The following CHN2 variants were observed in gnomAD, a reference collection of about 807,000 sequenced individuals.
CHN2 encodes the protein chimerin 2, also known as beta-chimaerin.
A neutral mutation model predicts 56.3 loss-of-function variants in CHN2; 35 were observed. That is an observed-to-expected ratio of 0.62 (90% CI 0.47 to 0.82). The LOEUF (loss-of-function observed/expected upper bound fraction) is 0.82, where lower values mean the gene tolerates loss of function less well. Among genes scored for constraint, CHN2 ranks in the 40% least tolerant of loss-of-function variants. The pLI is 0.00. For missense variants in CHN2, 491 were observed against 580.5 expected (o/e 0.85, Z 1.58); for synonymous variants, 210 against 212.8 (o/e 0.99, Z 0.12).
intron 1 of CHN2, among the ~76,000 whole-genome samples, chr7:29,318,605 C>T (rs962844494): frequency 6.6e-6 from 1 of 152,116 alleles, no homozygotes; most frequent in Non-Finnish European, 1.5e-5. Context: ...TCAGGTAGCT[C>T]CCTGAGCCAG....
At chr7:29,446,724 C>G (rs959150553) in intron 6 of CHN2, among the ~76,000 whole-genome samples, 2 of 152,136 alleles carry the variant, frequency 1.3e-5, no homozygotes, top group Non-Finnish European at 2.9e-5. Context: ...GCAAATTCAG[C>G]CGTATTAGTG....
At chr7:29,202,992 G>C (rs1316787096) in intron 1 of CHN2, among the ~76,000 whole-genome samples, 1 of 152,142 alleles carries the variant, frequency 6.6e-6, no homozygotes, top group Non-Finnish European at 1.5e-5. Context: ...ACCTAGACCT[G>C]CACAGTCCAG....
At chr7:29,283,490 C>A (rs1359631988) in intron 1 of CHN2, among the ~76,000 whole-genome samples, 1 of 152,082 alleles carries the variant, frequency 6.6e-6, no homozygotes, top group Non-Finnish European at 1.5e-5. Flanking sequence ...CATTATACAG[C>A]AAGGATAAAG....
At chr7:29,453,342 C>T (rs1441440843) in intron 6 of CHN2, among the ~76,000 whole-genome samples, 3 of 152,172 alleles carry the variant, frequency 2.0e-5, no homozygotes, top group Non-Finnish European at 2.9e-5. Flanking sequence ...AGTGGGAGAG[C>T]ACTTTTGTTA....
chr7:29,182,398 AT>A (rs1357771349), intron 2 of CHN2, among the ~76,000 whole-genome samples: 15 of 152,240 alleles, frequency 9.9e-5, no homozygotes, highest in African/African-American at 3.6e-4. Flanking sequence ...GATATGACAC[AT>A]AGAGTGTAGC....
rs1175429614 is a variant in CHN2, at chr7:29,233,825, AT to A, written c.49+38861del. ...AGAATGCAGCCCTGCCAACACCTTG[AT>A]TTTTTTTTTTTTTTTTTTTTTTTTT... is the stretch of plus-strand genomic sequence containing the variant. On this transcript the variant is annotated intron_variant, in intron 1 of 12. Transcript: ENST00000222792. Among the ~76,000 whole-genome samples the A allele has an allele frequency of 2.0e-3, 104 of 53,194 alleles. 1 individual carries two copies. The highest frequency in any genetic ancestry group is 3.9e-3 in the African/African-American group (57 of 14,470). 34.9% of individuals were successfully genotyped at this position (53,194 alleles called of 152,430 possible).
At chr7:29,261,491 C>T (rs1789550425) in intron 1 of CHN2, among the ~76,000 whole-genome samples, 1 of 141,872 alleles carries the variant, frequency 7.0e-6, no homozygotes, top group Admixed American at 7.5e-5. Flanking sequence ...ACCCTAAGGA[C>T]CACAAGTATT....
intron 1 of CHN2, among the ~76,000 whole-genome samples, chr7:29,265,665 A>C (rs1252514971): frequency 6.6e-6 from 1 of 152,164 alleles, no homozygotes; most frequent in Non-Finnish European, 1.5e-5. Context: ...TGAGAGAGAC[A>C]TGAGAGAAGA....
At chr7:29,154,809 T>C (rs1167110112) in intron 2 of CHN2, among the ~76,000 whole-genome samples, 2 of 152,214 alleles carry the variant, frequency 1.3e-5, no homozygotes, top group Non-Finnish European at 2.9e-5. Context: ...CACTCCAGCC[T>C]GGGCGACAGA....
At chr7:29,453,308 CA>C (rs1478974593) in intron 6 of CHN2, among the ~76,000 whole-genome samples, 3 of 152,222 alleles carry the variant, frequency 2.0e-5, no homozygotes, top group Non-Finnish European at 4.4e-5. Context: ...CTCCCACCCC[CA>C]TAATCTCCTT....
At chr7:29,438,809 G>T (rs1189970167) in intron 6 of CHN2, among the ~76,000 whole-genome samples, 2 of 152,126 alleles carry the variant, frequency 1.3e-5, no homozygotes, top group Non-Finnish European at 2.9e-5. Flanking sequence ...GCCATTACTG[G>T]TTGATTAAAC....
chr7:29,173,577 CT>C (rs1796886521), intron 2 of CHN2, among the ~76,000 whole-genome samples: 1 of 152,058 alleles, frequency 6.6e-6, no homozygotes, highest in Admixed American at 6.5e-5. Flanking sequence ...TAAAAAGCAT[CT>C]CTAATGAGAG....
Position 29,400,704 on chromosome 7 carries a change from C to G in CHN2, c.452C>G (p.Pro151Arg). Residue 151 changes from proline (P) to arginine (R), a missense_variant, in exon 6 of 13, where the codon CCC (proline) becomes CGC (arginine). By Grantham distance (103) the Pro-to-Arg change is moderately radical. Transcript: ENST00000222792. Reference protein sequence around the residue: ...AEYISKMTTNPIYEHIGYATL... With the variant: ...AEYISKMTTNRIYEHIGYATL... The stretch of plus-strand genomic sequence containing the variant: ...TACATTTCAAAAATGACAACTAACC[C>G]CATCTATGAACACATTGGATATGCC... 4 of 1,614,144 alleles carry G rather than the reference C, an allele frequency of 2.5e-6. No individual in the cohort carries two copies. Among genetic ancestry groups the G allele is most frequent in the Non-Finnish European group, 3.4e-6 (4 of 1,180,026 alleles).
At chr7:29,382,519 G>A (rs1800595931) in intron 3 of CHN2, among the ~76,000 whole-genome samples, 1 of 152,198 alleles carries the variant, frequency 6.6e-6, no homozygotes, top group African/African-American at 2.4e-5. Context: ...AAAGGGATCT[G>A]GGAGCATAAG....
intron 6 of CHN2, among the ~76,000 whole-genome samples, chr7:29,438,774 C>T (rs939625108): frequency 2.0e-5 from 3 of 152,092 alleles, no homozygotes; most frequent in African/African-American, 4.8e-5. Flanking sequence ...TTTGTATCTC[C>T]CTTTGGAACA....
chr7:29,423,278 C>A (rs73306858), intron 6 of CHN2, among the ~76,000 whole-genome samples: 3 of 152,200 alleles, frequency 2.0e-5, no homozygotes, highest in Admixed American at 2.0e-4. Context: ...CCCTGCACCC[C>A]GCAGGACTGA....
intron 1 of CHN2, among the ~76,000 whole-genome samples, chr7:29,313,675 A>G (rs891665557): frequency 6.6e-6 from 1 of 152,060 alleles, no homozygotes; most frequent in Non-Finnish European, 1.5e-5. Context: ...CACTCCTACA[A>G]TGGTCCACTT....
intron 1 of CHN2, among the ~76,000 whole-genome samples, chr7:29,274,886 G>A (rs1294234442): frequency 6.6e-6 from 1 of 152,212 alleles, no homozygotes; most frequent in Non-Finnish European, 1.5e-5. Flanking sequence ...CAATCATGGA[G>A]TGTTACAGTG....
chr7:29,325,460 A>G (rs1246587015), intron 1 of CHN2, among the ~76,000 whole-genome samples: 2 of 152,028 alleles, frequency 1.3e-5, no homozygotes, highest in Admixed American at 6.6e-5. Flanking sequence ...GCTCTTTTTG[A>G]CCTCCATCAG....
Sources: gnomAD v4.1 joint callset for allele counts (sites outside exome capture counted in the v4.1 genomes callset) on GRCh38, gnomAD v4.1.1 for gene constraint, MANE v1.5 for transcripts, NCBI Gene and HGNC (gene_info 2026-07-23, HGNC 2026-07-21) for gene names.